Variants in NKD2 observed in about 807,000 individuals in gnomAD.
NKD2 encodes the protein NKD inhibitor of Wnt signaling pathway 2, also known as protein naked cuticle homolog 2.
Under a neutral mutation model 34.8 loss-of-function variants are expected in NKD2, and 43 were observed. The observed-to-expected ratio is 1.24, with a 90% CI of 0.97 to 1.60. NKD2 has a LOEUF of 1.60. NKD2 is among the 40% of genes most tolerant of loss of function. The probability of loss-of-function intolerance (pLI) is 0.00; values close to 1 mark genes in which losing one functional copy is unlikely to be tolerated. For synonymous variants in NKD2, 278 were observed against 265.1 expected, an observed-to-expected ratio of 1.05 and a Z score of -0.47; for missense variants, 675 against 627.1, an observed-to-expected ratio of 1.08 and a Z score of -0.82.
rs201002772 is a variant in NKD2, at chr5:1,035,392, G to C, written c.578G>C (p.Arg193Pro). Reference protein sequence around the residue: ...RKEGPPAGQDREPTRCRMEGE... With the variant: ...RKEGPPAGQDPEPTRCRMEGE... The stretch of plus-strand genomic sequence containing the variant: ...AATGGCAGGACCCCCCTTTCAGACC[G>C]GGAGCCCACCCGTTGCAGGATGGAG... Residue 193 changes from arginine to proline, a missense_variant, in exon 8 of 10, where the codon CGG becomes CCG. Transcript: ENST00000296849. 1 of 1,557,176 alleles carries C rather than the reference G, an allele frequency of 6.4e-7. No homozygotes were observed. Among genetic ancestry groups the C allele is most frequent in the Non-Finnish European group, 8.7e-7 (1 of 1,150,240 alleles).
In NKD2 at chr5:1,034,858, C is replaced by T. The variant is rs201451493; in HGVS notation, c.529C>T (p.Pro177Ser). The change falls in exon 7 of 10, where the codon CCT becomes TCT. Residue 177 changes from proline (P) to serine (S), a missense_variant. Transcript: ENST00000296849. The stretch of plus-strand genomic sequence containing the variant: ...CCTCCGTGTGAAGCTAACCGTCAGC[C>T]CTGAGCCCTCCAGCAAGAGGAAGGA... The part of the protein sequence containing the change: ...KTLRVKLTVS[P>S]EPSSKRKEGP... 1.2e-6 allele frequency: 2 copies of T among 1,612,658 alleles called. No individual in the cohort carries two copies. The highest frequency in any genetic ancestry group is 1.7e-5 in the Admixed American group (1 of 60,004).
At chr5:1,034,008 G>A (rs1160216575) in intron 5 of NKD2, 4 of 584,832 alleles carry the variant, frequency 6.8e-6, no homozygotes, top group Admixed American at 6.3e-5. Context: ...TGGGGGAACC[G>A]AATCACAGGG....
chr5:1,026,960 A>G (rs1756439557), intron 3 of NKD2, among the ~76,000 whole-genome samples: 2 of 152,330 alleles, frequency 1.3e-5, no homozygotes, highest in South Asian at 2.1e-4. Flanking sequence ...ACAGCCCCGT[A>G]ATTCTGGCAG....
rs765500400 is a variant in NKD2 at position 1,038,157 on chromosome 5, C to T, written c.1140C>T (p.Tyr380=). The T allele has an allele frequency of 2.7e-5, 42 of 1,584,590 alleles. No homozygotes were observed. The highest frequency in any genetic ancestry group is 4.5e-5 in the South Asian group (4 of 88,112). The stretch of plus-strand genomic sequence containing the variant: ...TCCCGCAGCCCCCACCGCCACCCTA[C>T]GGCCACAAGCGGTACCGCCAAAAGG... The part of the protein sequence containing the change: ...HHLPQPPPPP[Y]GHKRYRQKGR... The change falls in exon 10 of 10, where the codon TAC becomes TAT. Residue 380 remains tyrosine (Y), a synonymous_variant. Coordinates refer to ENST00000296849, the MANE Select transcript of NKD2 (RefSeq NM_033120.4). The surrounding 1 kb of genome is among the most constrained non-coding windows in gnomAD (Gnocchi z 4.5).
chr5:1,013,146 G>A (rs1036179006), intron 3 of NKD2, among the ~76,000 whole-genome samples: 1 of 152,230 alleles, frequency 6.6e-6, no homozygotes, highest in African/African-American at 2.4e-5. Context: ...ACTCCAAGAT[G>A]TCCAGGAGAA....
chr5:1,018,381 C>T (rs1756041500), intron 3 of NKD2, among the ~76,000 whole-genome samples: 1 of 152,252 alleles, frequency 6.6e-6, no homozygotes, highest in Non-Finnish European at 1.5e-5. Context: ...CTAGCAGGGG[C>T]TTCTGGCCCT....
rs1734127873 is a variant in NKD2, at chr5:1,038,379, C to CT, written c.*7dup. 3.3e-6 allele frequency: 5 copies of CT among 1,535,924 alleles called. 1 individual carries two copies. The Middle Eastern group carries it at 6.9e-4, about 212-fold the overall frequency. On this transcript the variant is annotated 3_prime_UTR_variant, in exon 10 of 10. Transcript: ENST00000296849. This position sits in a 1 kb window ranked among gnomAD's most constrained non-coding sequence, Gnocchi z 4.5. The stretch of plus-strand genomic sequence containing the variant: ...ACCACTTCCACCCGTCCTAGCGCCA[C>CT]TGCCAAGCACACCTCGCTCCCAGCA...
chr5:1,009,541 G>GGC lies in NKD2; in HGVS notation c.130_131dup (p.Asp45GlyfsTer128). The GGC allele has an allele frequency of 1.3e-6, 2 of 1,492,080 alleles. No homozygotes were observed. The highest frequency in any genetic ancestry group is 2.8e-5 in the East Asian group (1 of 35,398). The allele number at this position is 1,492,080 out of a possible 1,614,324, so 92.4% of individuals were successfully genotyped here. On this transcript the variant is annotated frameshift_variant, in exon 3 of 10. Transcript: ENST00000296849. LOFTEE classifies it high-confidence loss of function. This position sits in a 1 kb window ranked among gnomAD's most constrained non-coding sequence, Gnocchi z 6.9. ...CGCAAAGGCGCGGAGGAAGCGGAGC[G>GGC]GCGCGCGCGGGACAAGCAGGTAGGC...
intron 3 of NKD2, among the ~76,000 whole-genome samples, chr5:1,022,116 G>A (rs1308259063): frequency 3.3e-5 from 5 of 151,444 alleles, no homozygotes; most frequent in Non-Finnish European, 7.4e-5. Context: ...GACCTTGCTG[G>A]CCCCTGTCCA....
At chr5:1,025,882 C>G (rs1756371562) in intron 3 of NKD2, among the ~76,000 whole-genome samples, 1 of 114,464 alleles carries the variant, frequency 8.7e-6, no homozygotes, top group Non-Finnish European at 1.8e-5. Flanking sequence ...GCGTCCCAGC[C>G]CGTTGTCCCT....
In NKD2 at chr5:1,038,313, GCACCACCACCAC is replaced by G. The variant is rs773287517; in HGVS notation, c.1300_1311del (p.His434_His437del). The G allele has an allele frequency of 6.5e-7, 1 of 1,537,896 alleles. No individual in the cohort carries two copies. The highest frequency in any genetic ancestry group is 8.7e-7 in the Non-Finnish European group (1 of 1,148,030). The stretch of plus-strand genomic sequence containing the variant: ...CGGTGCCAGTGATCCAGCGGCACGA[GCACCACCACCAC>G]CACGAGCACCACCACCACCACCACC... On this transcript the variant is annotated inframe_deletion, in exon 10 of 10. Coordinates refer to ENST00000296849, the MANE Select transcript of NKD2 (RefSeq NM_033120.4). The surrounding 1 kb of genome is among the most constrained non-coding windows in gnomAD (Gnocchi z 4.5).
At position 1,034,838 on chromosome 5, in the gene NKD2, G is replaced by C; in HGVS notation, c.509G>C (p.Arg170Pro). 6.2e-7 allele frequency: 1 copy of C among 1,612,820 alleles called. No homozygotes were observed. The highest frequency in any genetic ancestry group is 1.1e-5 in the South Asian group (1 of 91,072). The change falls in exon 7 of 10, where the codon CGT becomes CCT. Residue 170 changes from arginine (R) to proline (P), a missense_variant. Arg to Pro is a moderately radical substitution (Grantham distance 103). Transcript: ENST00000296849. ...TCCTCGGGCAGCAGCAAGACCCTCC[G>C]TGTGAAGCTAACCGTCAGCCCTGAG... is the stretch of plus-strand genomic sequence containing the variant. Reference protein sequence around the residue: ...NHSSGSSKTLRVKLTVSPEPS... With the variant: ...NHSSGSSKTLPVKLTVSPEPS...
intron 8 of NKD2, 65 bp from the exon 9 acceptor site, chr5:1,036,192 C>A (rs1733908474): frequency 1.4e-6 from 2 of 1,447,798 alleles, no homozygotes; most frequent in Non-Finnish European, 1.8e-6. Flanking sequence ...CTGTAGGCAC[C>A]CCGTCATCAG....
chr5:1,030,070 C>T (rs899189177), intron 3 of NKD2, among the ~76,000 whole-genome samples: 3 of 152,076 alleles, frequency 2.0e-5, no homozygotes, highest in Non-Finnish European at 4.4e-5. Context: ...CCCCTGCACC[C>T]TCCCCACATC....
At chr5:1,011,374 G>A (rs1009077936) in intron 3 of NKD2, among the ~76,000 whole-genome samples, 4 of 152,176 alleles carry the variant, frequency 2.6e-5, no homozygotes, top group South Asian at 4.1e-4. Flanking sequence ...TTCCCCCTGC[G>A]ACAGATCCTA....
chr5:1,019,544 C>T (rs1386923737), intron 3 of NKD2, among the ~76,000 whole-genome samples: 2 of 152,112 alleles, frequency 1.3e-5, no homozygotes, highest in African/African-American at 4.8e-5. Flanking sequence ...GCAGGGCCCT[C>T]GTGGAGGTTC....
chr5:1,032,631 G>A (rs1028822573), intron 4 of NKD2, among the ~76,000 whole-genome samples: 4 of 152,230 alleles, frequency 2.6e-5, no homozygotes, highest in Admixed American at 6.5e-5. Context: ...TACCTGTGGC[G>A]CGTGGCAGGT....
chr5:1,028,174 C>G (rs944473569), intron 3 of NKD2, among the ~76,000 whole-genome samples: 2 of 152,126 alleles, frequency 1.3e-5, no homozygotes, highest in African/African-American at 2.4e-5. Flanking sequence ...GCGCTCAGCC[C>G]GGTGCCTGTG....
intron 4 of NKD2, among the ~76,000 whole-genome samples, chr5:1,032,810 C>T (rs1756696480): frequency 6.6e-6 from 1 of 152,238 alleles, no homozygotes. Flanking sequence ...TCTGCAGGTG[C>T]TGAGCCCGGA....
Sources: allele counts gnomAD v4.1 joint callset (sites outside exome capture counted in the v4.1 genomes callset), GRCh38; gene constraint gnomAD v4.1.1; non-coding constraint Gnocchi (gnomAD v3.1); transcripts MANE v1.5; gene names NCBI Gene and HGNC (gene_info 2026-07-23, HGNC 2026-07-21).